CDK19: variants seen among roughly 807,000 people sequenced by gnomAD.
CDK19 encodes cyclin dependent kinase 19, also known as cyclin-dependent kinase 19.
A neutral mutation model predicts 68.3 loss-of-function variants in CDK19; 20 were observed. The observed-to-expected ratio is 0.29, with a 90% CI of 0.21 to 0.43. The LOEUF (loss-of-function observed/expected upper bound fraction) is 0.43, where lower values mean the gene tolerates loss of function less well. CDK19 is among the 20% of genes least tolerant of loss of function. The pLI is 1.00. For synonymous variants in CDK19, 221 were observed against 222.8 expected (o/e 0.99, Z 0.07); for missense variants, 339 against 623.5 (o/e 0.54, Z 4.86).
intron 2 of CDK19, among the ~76,000 whole-genome samples, chr6:110,686,401 G>A (rs190673974): frequency 3.3e-5 from 5 of 152,268 alleles, no homozygotes; most frequent in African/African-American, 4.8e-5. Flanking sequence ...ATACACAGAC[G>A]CTAAAAGAAC....
intron 1 of CDK19, among the ~76,000 whole-genome samples, chr6:110,798,424 A>G (rs1782100612): frequency 6.6e-6 from 1 of 152,134 alleles, no homozygotes; most frequent in Admixed American, 6.6e-5. Context: ...CAGGAGTTTG[A>G]GACCAGCCTG....
At chr6:110,704,252 A>G (rs957240508) in intron 2 of CDK19, among the ~76,000 whole-genome samples, 4 of 152,220 alleles carry the variant, frequency 2.6e-5, no homozygotes, top group African/African-American at 9.6e-5. Flanking sequence ...TATGAAATCA[A>G]AAGACTTTAT....
At chr6:110,696,922 G>A (rs1490994726) in intron 2 of CDK19, among the ~76,000 whole-genome samples, 1 of 152,074 alleles carries the variant, frequency 6.6e-6, no homozygotes, top group Non-Finnish European at 1.5e-5. Flanking sequence ...AGCCAGGTGT[G>A]GTGGTGAGCA....
chr6:110,661,587 C>T (rs1781621470), intron 4 of CDK19, among the ~76,000 whole-genome samples: 1 of 152,178 alleles, frequency 6.6e-6, no homozygotes, highest in Non-Finnish European at 1.5e-5. Context: ...GTAGCTGGGA[C>T]TACAGGTATG....
At chr6:110,722,089 CAT>C (rs1367461909) in intron 2 of CDK19, among the ~76,000 whole-genome samples, 1 of 152,150 alleles carries the variant, frequency 6.6e-6, no homozygotes, top group Admixed American at 6.5e-5. Flanking sequence ...GCATAAATAA[CAT>C]ATGACATGGC....
chr6:110,712,525 G>C (rs1157318072), intron 2 of CDK19, among the ~76,000 whole-genome samples: 1 of 152,164 alleles, frequency 6.6e-6, no homozygotes, highest in Non-Finnish European at 1.5e-5. Flanking sequence ...TTCTCTTCTA[G>C]TGGATTTCAC....
chr6:110,801,295 G>C (rs1562299069), intron 1 of CDK19, among the ~76,000 whole-genome samples: 1 of 151,988 alleles, frequency 6.6e-6, no homozygotes, highest in Non-Finnish European at 1.5e-5. Flanking sequence ...GACCAGCTTT[G>C]GCAACATAGT....
intron 4 of CDK19, among the ~76,000 whole-genome samples, chr6:110,652,535 T>C (rs1781037333): frequency 6.6e-6 from 1 of 152,216 alleles, no homozygotes; most frequent in Non-Finnish European, 1.5e-5. Flanking sequence ...AGTTTGAGCT[T>C]AAACCCTTTA....
At chr6:110,710,344 C>T (rs377375698) in intron 2 of CDK19, among the ~76,000 whole-genome samples, 52 of 152,260 alleles carry the variant, frequency 3.4e-4, no homozygotes, top group African/African-American at 1.1e-3. Flanking sequence ...GCTCTGAAAC[C>T]ATTATGTTCT....
chr6:110,629,037 G>A (rs1042801580), intron 6 of CDK19, among the ~76,000 whole-genome samples: 15 of 151,948 alleles, frequency 9.9e-5, no homozygotes, highest in African/African-American at 3.4e-4. Flanking sequence ...CTCTTCCCCC[G>A]ATATGGCTGC....
chr6:110,756,285 G>A (rs1010421944), intron 1 of CDK19, among the ~76,000 whole-genome samples: 1 of 151,966 alleles, frequency 6.6e-6, no homozygotes, highest in Admixed American at 6.6e-5. Context: ...AGCTACTCAG[G>A]AGGCTAAGGC....
chr6:110,626,529 T>C (rs1779098141), intron 8 of CDK19, among the ~76,000 whole-genome samples: 2 of 152,070 alleles, frequency 1.3e-5, no homozygotes, highest in African/African-American at 4.8e-5. Context: ...TGTAAAAGAG[T>C]AAAAGAGGCA....
At chr6:110,799,649 T>C (rs529012956) in intron 1 of CDK19, among the ~76,000 whole-genome samples, 166 of 152,184 alleles carry the variant, frequency 1.1e-3, no homozygotes, top group Non-Finnish European at 1.7e-3. Context: ...CAAGTCTGAA[T>C]GGCAATGGCA....
Position 110,640,267 on chromosome 6 carries a change from G to T in CDK19, c.457-1561C>A, listed in dbSNP as rs796605740. Among the ~76,000 whole-genome samples the T allele has an allele frequency of 4.6e-5, 7 of 150,742 alleles. No individual in the cohort carries two copies. The South Asian group carries it at 1.0e-3, about 23-fold the overall frequency. ...AAAAAAAAAAAAAAATCTGAAAAGG[G>T]CTCATGTTGAGGGTAGTAGGATGAA... On this transcript the variant is annotated intron_variant, in intron 4 of 12. Coordinates refer to ENST00000368911, the MANE Select transcript of CDK19 (RefSeq NM_015076.5).
In CDK19 at chr6:110,707,265, G is replaced by A. The variant is rs2114671936; in HGVS notation, c.205-36724C>T. On this transcript the variant is annotated intron_variant, in intron 2 of 12. Transcript: ENST00000368911. ...GCAAGAGAACCACTGGAACCCGGAA[G>A]GCAGAGGCTACAGTGAGCCAAGATC... Among the ~76,000 whole-genome samples, 2 of 152,244 alleles carry A rather than the reference G, an allele frequency of 1.3e-5. 1 individual carries two copies. Among genetic ancestry groups the A allele is most frequent in the South Asian group, 4.1e-4 (2 of 4,822 alleles).
At position 110,612,145 on chromosome 6, in the gene CDK19, A is replaced by G. The variant is rs1182584750; in HGVS notation, c.*2390T>C. 6.6e-6 allele frequency: 1 copy of G among 152,232 alleles called. No individual in the cohort carries two copies. The highest frequency in any genetic ancestry group is 1.9e-4 in the East Asian group (1 of 5,198). 9.4% of individuals were successfully genotyped at this position (152,232 alleles called of 1,614,324 possible). ...TAAGGGGCATAGTATTTTGGTTTAC[A>G]TATCTATCTGGGTTTGTCTTCTTTT... is the stretch of plus-strand genomic sequence containing the variant. On this transcript the variant is annotated 3_prime_UTR_variant, in exon 13 of 13. Coordinates refer to ENST00000368911, the MANE Select transcript of CDK19 (RefSeq NM_015076.5).
At chr6:110,677,016 T>C (rs1771588470) in intron 2 of CDK19, among the ~76,000 whole-genome samples, 1 of 152,224 alleles carries the variant, frequency 6.6e-6, no homozygotes, top group Non-Finnish European at 1.5e-5. Flanking sequence ...TGTGTACCTC[T>C]TATGCTTTTT....
intron 1 of CDK19, among the ~76,000 whole-genome samples, chr6:110,784,786 C>T (rs957680798): frequency 1.2e-4 from 19 of 152,100 alleles, no homozygotes; most frequent in African/African-American, 4.6e-4. Context: ...TCCACACAGT[C>T]ATCTGAAAGA....
At chr6:110,625,620 T>C (rs1421958644) in intron 8 of CDK19, among the ~76,000 whole-genome samples, 4 of 152,118 alleles carry the variant, frequency 2.6e-5, no homozygotes, top group Admixed American at 6.5e-5. Context: ...CTTGGAAAAG[T>C]GAACTGAGTA....
Sources: gnomAD v4.1 joint callset for allele counts (sites outside exome capture counted in the v4.1 genomes callset) on GRCh38, gnomAD v4.1.1 for gene constraint, MANE v1.5 for transcripts, NCBI Gene and HGNC (gene_info 2026-07-23, HGNC 2026-07-21) for gene names.